The following LGR6 variants were observed in gnomAD, a reference collection of about 807,000 sequenced individuals.
The protein encoded by LGR6 is leucine-rich repeat-containing G protein-coupled receptor 6.
Under a neutral mutation model 69.4 loss-of-function variants are expected in LGR6, and 45 were observed. The observed-to-expected ratio is 0.65, with a 90% CI of 0.51 to 0.83. The LOEUF (loss-of-function observed/expected upper bound fraction) is 0.83, where lower values mean the gene tolerates loss of function less well. Among genes scored for constraint, LGR6 ranks in the 40% least tolerant of loss-of-function variants. The pLI is 0.00. For missense variants in LGR6, 1,108 were observed against 1,246.7 expected (o/e 0.89, Z 1.68); for synonymous variants, 538 against 555.0 (o/e 0.97, Z 0.43).
At chr1:202,287,304 G>C (rs1347345360) in intron 6 of LGR6, among the ~76,000 whole-genome samples, 1 of 152,144 alleles carries the variant, frequency 6.6e-6, no homozygotes, top group African/African-American at 2.4e-5. Context: ...AGAGACTAAA[G>C]GGTTCTAGAT....
chr1:202,256,506 G>T (rs1663785981), intron 4 of LGR6, among the ~76,000 whole-genome samples: 1 of 152,340 alleles, frequency 6.6e-6, no homozygotes, highest in East Asian at 1.9e-4. Context: ...GCCTCCCAAA[G>T]TACTAGGATT....
chr1:202,318,365 G>C lies in LGR6; in HGVS notation c.2062G>C (p.Ala688Pro). The C allele has an allele frequency of 1.2e-6, 2 of 1,602,204 alleles. No individual in the cohort carries two copies. The highest frequency in any genetic ancestry group is 1.7e-6 in the Non-Finnish European group (2 of 1,174,068). Residue 688 changes from alanine (A) to proline (P), a missense_variant, in exon 18 of 18, where the codon GCA (alanine) becomes CCA (proline). Transcript: ENST00000367278. Reference protein sequence around the residue: ...GKSPSLGSVRAGVLGCLALAG... With the variant: ...GKSPSLGSVRPGVLGCLALAG... ...GTCCCCCTCCCTGGGCAGCGTTCGA[G>C]CAGGGGTCCTAGGCTGCCTGGCACT...
At chr1:202,300,715 G>A in intron 7 of LGR6, 134 bp from the exon 8 acceptor site, 3 of 550,056 alleles carry the variant, frequency 5.5e-6, no homozygotes, top group Non-Finnish European at 9.8e-6. Flanking sequence ...ATCTGAACCT[G>A]GAATCTCCAG....
At chr1:202,272,773 G>A (rs1257539596) in intron 4 of LGR6, among the ~76,000 whole-genome samples, 1 of 152,242 alleles carries the variant, frequency 6.6e-6, no homozygotes, top group African/African-American at 2.4e-5. Context: ...GCAAACGTGT[G>A]TACTCACACA....
At chr1:202,284,660 T>C (rs568833886) in intron 6 of LGR6, among the ~76,000 whole-genome samples, 1 of 152,250 alleles carries the variant, frequency 6.6e-6, no homozygotes, top group Non-Finnish European at 1.5e-5. Context: ...TGGAAATGTG[T>C]GCCTGGAGGC....
chr1:202,230,064 TC>T (rs1387768522), intron 3 of LGR6, among the ~76,000 whole-genome samples: 1 of 152,132 alleles, frequency 6.6e-6, no homozygotes, highest in East Asian at 1.9e-4. Flanking sequence ...CCTTAGCTAC[TC>T]CCCAGTCTTC....
At chr1:202,203,719 G>T in intron 1 of LGR6, 1 of 1,257,578 alleles carries the variant, frequency 8.0e-7, no homozygotes. Flanking sequence ...TGCGTAGCAG[G>T]CGGGGCACAG....
rs866678159 is a variant in LGR6 at position 202,222,282 on chromosome 1, C to G, written c.213-3141C>G. ...TCACCCTCCTTGCCCCACCCCACCC[C>G]CTTTACTGAGCACTGCAGCTGGGCT... On this transcript the variant is annotated intron_variant, in intron 1 of 17. Coordinates refer to ENST00000367278, the MANE Select transcript of LGR6 (RefSeq NM_001017403.2). Among the ~76,000 whole-genome samples, 6 of 152,232 alleles carry G rather than the reference C, an allele frequency of 3.9e-5. No individual in the cohort carries two copies. The South Asian group carries it at 1.2e-3, about 31-fold the overall frequency.
At chr1:202,278,201 A>G (rs556279337) in intron 5 of LGR6, among the ~76,000 whole-genome samples, 1 of 152,290 alleles carries the variant, frequency 6.6e-6, no homozygotes, top group East Asian at 1.9e-4. Flanking sequence ...GTCAGTTCAG[A>G]GGTTCTTGGT....
intron 4 of LGR6, among the ~76,000 whole-genome samples, chr1:202,254,030 C>G (rs1485155857): frequency 2.6e-5 from 4 of 151,788 alleles, no homozygotes; most frequent in African/African-American, 9.7e-5. Flanking sequence ...TGGTCTCGAT[C>G]TCCTGACCTC....
intron 6 of LGR6, among the ~76,000 whole-genome samples, chr1:202,283,852 T>C (rs1264708073): frequency 1.3e-5 from 2 of 152,216 alleles, no homozygotes; most frequent in Non-Finnish European, 2.9e-5. Context: ...CCCTCTGTTA[T>C]GCCCTCAGCT....
At chr1:202,270,247 G>T (rs868823233) in intron 4 of LGR6, among the ~76,000 whole-genome samples, 17 of 144,658 alleles carry the variant, frequency 1.2e-4, no homozygotes, top group African/African-American at 4.0e-4. Context: ...TTTTGCTTTT[G>T]TTTTTTTTTT....
At chr1:202,281,430 T>G (rs1665996845) in intron 6 of LGR6, among the ~76,000 whole-genome samples, 1 of 152,108 alleles carries the variant, frequency 6.6e-6, no homozygotes, top group South Asian at 2.1e-4. Context: ...TATTCACACA[T>G]CATCATCCTG....
Position 202,300,901 on chromosome 1 carries a change from A to T in LGR6, c.838A>T (p.Asn280Tyr), listed in dbSNP as rs770302410. The T allele has an allele frequency of 1.2e-6, 2 of 1,612,718 alleles. No homozygotes were observed. Among genetic ancestry groups the T allele is most frequent in the Non-Finnish European group, 1.7e-6 (2 of 1,179,368 alleles). ...KAIPEKAFMG[N>Y]PLLQTIHFYD... ...CATCCCAGAAAAGGCCTTCATGGGG[A>T]ACCCTCTGCTACAGACGATGTGAGT... The change falls in exon 8 of 18, where the codon AAC (asparagine) becomes TAC (tyrosine). Residue 280 changes from asparagine (N) to tyrosine (Y), a missense_variant. Coordinates refer to ENST00000367278, the MANE Select transcript of LGR6 (RefSeq NM_001017403.2).
chr1:202,317,912 C>T (rs776592915), intron 17 of LGR6, 40 bp from the exon 18 acceptor site: 30 of 1,539,846 alleles, frequency 1.9e-5, no homozygotes, highest in Admixed American at 3.8e-5. Context: ...CTGGTCCCAC[C>T]ATCCTCTGGC....
intron 1 of LGR6, among the ~76,000 whole-genome samples, chr1:202,215,565 G>A (rs915319113): frequency 8.5e-5 from 13 of 152,196 alleles, no homozygotes; most frequent in African/African-American, 3.1e-4. Context: ...AGTCAGGGGA[G>A]ACCAGGCTTA....
intron 1 of LGR6, among the ~76,000 whole-genome samples, chr1:202,196,099 A>C (rs948844099): frequency 2.6e-5 from 4 of 151,992 alleles, no homozygotes; most frequent in African/African-American, 9.7e-5. Context: ...TTGTGGAGAG[A>C]AGAGAGGGAG....
chr1:202,264,855 C>G (rs146556940), intron 4 of LGR6, among the ~76,000 whole-genome samples: 1 of 152,078 alleles, frequency 6.6e-6, no homozygotes, highest in Admixed American at 6.5e-5. Context: ...TGCCCGCCCC[C>G]GCCACCACCC....
chr1:202,221,077 G>T (rs1438191331), intron 1 of LGR6, among the ~76,000 whole-genome samples: 2 of 152,142 alleles, frequency 1.3e-5, no homozygotes, highest in African/African-American at 4.8e-5. Context: ...TGGAAAAGGG[G>T]TTTCTGCCCC....
Sources: gnomAD v4.1 joint callset for allele counts (sites outside exome capture counted in the v4.1 genomes callset) on GRCh38, gnomAD v4.1.1 for gene constraint, MANE v1.5 for transcripts, NCBI Gene and HGNC (gene_info 2026-07-23, HGNC 2026-07-21) for gene names.